EMC3: variants seen among roughly 807,000 people sequenced by gnomAD.
EMC3 encodes 30 kDa protein.
In EMC3, 13 loss-of-function variants were observed where a neutral mutation model predicts 36.6. The observed-to-expected ratio is 0.35, with a 90% CI of 0.23 to 0.56. The LOEUF (loss-of-function observed/expected upper bound fraction) is 0.56. Among genes scored for constraint, EMC3 ranks in the 20% least tolerant of loss-of-function variants. The probability of loss-of-function intolerance (pLI) is 0.84; values close to 1 mark genes in which losing one functional copy is unlikely to be tolerated. For missense variants in EMC3, 220 were observed against 324.5 expected, an observed-to-expected ratio of 0.68 and a Z score of 2.47; for synonymous variants, 120 against 111.9, an observed-to-expected ratio of 1.07 and a Z score of -0.46.
chr3:9,976,760 G>A (rs1239601848), intron 3 of EMC3, among the ~76,000 whole-genome samples, 197 bp downstream of exon 3: 1 of 152,014 alleles, frequency 6.6e-6, no homozygotes, highest in African/African-American at 2.4e-5. Context: ...TTATACATTG[G>A]GGTTCTCAGA....
chr3:9,965,968 G>A (rs2085732899), intron 7 of EMC3, among the ~76,000 whole-genome samples: 1 of 152,124 alleles, frequency 6.6e-6, no homozygotes, highest in African/African-American at 2.4e-5. Flanking sequence ...ATCATGCTCT[G>A]AACACATTCT....
chr3:9,967,509 T>C (rs899461929), intron 7 of EMC3, among the ~76,000 whole-genome samples: 3 of 135,998 alleles, frequency 2.2e-5, no homozygotes, highest in East Asian at 4.0e-4. Flanking sequence ...TCTTTGAAAA[T>C]CAATTGATGA....
chr3:10,000,793 T>C (rs1055510053), intron 1 of EMC3: 7 of 488,062 alleles, frequency 1.4e-5, no homozygotes, highest in East Asian at 1.1e-4. Flanking sequence ...TTTGTTCTTA[T>C]TGGTGTCTGT....
At chr3:9,994,174 C>G (rs538762604) in intron 1 of EMC3, 1 of 1,585,112 alleles carries the variant, frequency 6.3e-7, no homozygotes, top group South Asian at 1.1e-5. Flanking sequence ...TCTCTCTACT[C>G]TTCCCCACTC....
At chr3:9,992,424 C>G (rs1331783925) in intron 1 of EMC3, among the ~76,000 whole-genome samples, 1 of 152,144 alleles carries the variant, frequency 6.6e-6, no homozygotes, top group East Asian at 1.9e-4. Flanking sequence ...CCACGCCCAG[C>G]CTGGCTTATC....
upstream of EMC3, among the ~76,000 whole-genome samples, chr3:9,991,765 G>A (rs2124926714): frequency 6.6e-6 from 1 of 152,298 alleles, no homozygotes. Flanking sequence ...TGGCTCAGCA[G>A]TCCCTAACCT....
At chr3:10,002,303 T>TGTTATGTTATGTTATGTTATGTTATG (rs1335633229) in intron 1 of EMC3, among the ~76,000 whole-genome samples, 2 of 151,932 alleles carry the variant, frequency 1.3e-5, no homozygotes, top group East Asian at 1.9e-4. Flanking sequence ...TTTTATTTTA[T>TGTTATGTTATGTTATGTTATGTTATG]TTTGAGATAG....
At chr3:9,970,398 T>C (rs1027885299) in intron 6 of EMC3, among the ~76,000 whole-genome samples, 184 bp downstream of exon 6, 2 of 152,218 alleles carry the variant, frequency 1.3e-5, no homozygotes, top group African/African-American at 4.8e-5. Flanking sequence ...CCAGAGAGAA[T>C]TGAGATCTTC....
chr3:9,975,524 A>T (rs571637331), intron 3 of EMC3, among the ~76,000 whole-genome samples: 60 of 151,648 alleles, frequency 4.0e-4, no homozygotes, highest in Non-Finnish European at 5.5e-4. Context: ...AAAAAAAGAG[A>T]TATCTTGGCC....
intron 1 of EMC3, among the ~76,000 whole-genome samples, chr3:9,996,757 G>T (rs1470032512): frequency 1.3e-5 from 2 of 152,094 alleles, no homozygotes; most frequent in Non-Finnish European, 2.9e-5. Flanking sequence ...GTCTCCCACA[G>T]GGACAATCAC....
chr3:9,980,177 C>T (rs2085894656), intron 1 of EMC3, among the ~76,000 whole-genome samples: 3 of 152,030 alleles, frequency 2.0e-5, no homozygotes, highest in South Asian at 4.2e-4. Flanking sequence ...CCATGCCCAG[C>T]TAATTTTTGT....
At chr3:10,008,344 AG>A in intron 1 of EMC3, 1 of 1,291,484 alleles carries the variant, frequency 7.7e-7, no homozygotes, top group Non-Finnish European at 1.0e-6. Flanking sequence ...ACTATAGGGA[AG>A]GGGCTCCAGG....
chr3:9,963,931 C>T lies in EMC3; in HGVS notation c.*138G>A, dbSNP rs2085712778. On this transcript the variant is annotated 3_prime_UTR_variant, in exon 8 of 8. Coordinates refer to ENST00000245046, the MANE Select transcript of EMC3 (RefSeq NM_001394674.1). ...TTTCAAACATAAAGGGGAACCCAGC[C>T]CAGACAAGAACAAGCCTTGCTGCAT... 2 of 1,430,632 alleles carry T rather than the reference C, an allele frequency of 1.4e-6. No individual in the cohort carries two copies. The highest frequency in any genetic ancestry group is 2.3e-5 in the East Asian group (1 of 43,400). The allele number at this position is 1,430,632 out of a possible 1,614,324, so 88.6% of individuals were successfully genotyped here.
upstream of EMC3, chr3:9,987,921 C>G (rs1269247177): frequency 1.7e-5 from 17 of 1,028,040 alleles, no homozygotes. Context: ...CTCTGAGCTT[C>G]GGGAGAAGTT....
rs1559347910 is a variant in EMC3, at chr3:9,963,479, T to TATA, written c.*589_*590insTAT. The TATA allele has an allele frequency of 1.4e-3, 61 of 43,804 alleles. No individual in the cohort carries two copies. The highest frequency in any genetic ancestry group is 9.3e-3 in the South Asian group (18 of 1,934). The allele number at this position is 43,804 out of a possible 1,614,324, so 2.7% of individuals were successfully genotyped here. ...GATATATATATATATATATATATAT[T>TATA]TTTTTTTTTTTTTCAGATGGAGTTT... On this transcript the variant is annotated 3_prime_UTR_variant, in exon 8 of 8. Transcript: ENST00000245046.
At chr3:9,985,271 T>G (rs889627123) in intron 1 of EMC3, among the ~76,000 whole-genome samples, 15 of 152,302 alleles carry the variant, frequency 9.8e-5, no homozygotes, top group South Asian at 2.1e-4. Flanking sequence ...CAAAACAACA[T>G]TATTAAATTT....
upstream of EMC3, chr3:9,987,353 T>C (rs901556234): frequency 5.5e-5 from 53 of 970,196 alleles, no homozygotes; most frequent in Non-Finnish European, 6.4e-5. Context: ...TCGGCGTTCT[T>C]CTCTGGGGCT....
chr3:9,975,178 T>C (rs986963173), intron 3 of EMC3, among the ~76,000 whole-genome samples: 2 of 152,192 alleles, frequency 1.3e-5, no homozygotes, highest in African/African-American at 4.8e-5. Context: ...ATATTTTTAA[T>C]GTCTGCATAG....
Position 9,963,352 on chromosome 3 carries a change from A to G in EMC3, c.*717T>C, listed in dbSNP as rs1377513956. 1 of 151,826 alleles carries G rather than the reference A, an allele frequency of 6.6e-6. No individual in the cohort carries two copies. Among genetic ancestry groups the G allele is most frequent in the African/African-American group, 2.4e-5 (1 of 41,346 alleles). 9.4% of individuals were successfully genotyped at this position (151,826 alleles called of 1,614,324 possible). A position where few individuals can be genotyped will look rare whatever the true frequency, so the allele number is the denominator to read the frequency against. ...TAAAACACAGGGTGTTTGGATCCCA[A>G]GAAAACAGGAGTTTACTGTGGCTAG... On this transcript the variant is annotated 3_prime_UTR_variant, in exon 8 of 8. Transcript: ENST00000245046.
Sources: allele counts gnomAD v4.1 joint callset (sites outside exome capture counted in the v4.1 genomes callset), GRCh38; gene constraint gnomAD v4.1.1; transcripts MANE v1.5; gene names NCBI Gene and HGNC (gene_info 2026-07-23, HGNC 2026-07-21).